The following CAMK1D variants were observed in gnomAD, a reference collection of about 807,000 sequenced individuals.
The protein encoded by CAMK1D is calcium/calmodulin-dependent protein kinase type 1D.
CAMK1D carries 9 observed loss-of-function variants against 47.7 expected under a neutral mutation model. That is an observed-to-expected ratio of 0.19 (90% CI 0.11 to 0.33). The LOEUF (loss-of-function observed/expected upper bound fraction) is 0.33. Among genes scored for constraint, CAMK1D ranks in the 10% least tolerant of loss-of-function variants. The probability of loss-of-function intolerance (pLI) is 1.00; values close to 1 mark genes in which losing one functional copy is unlikely to be tolerated. For missense variants in CAMK1D, 291 were observed against 488.7 expected (o/e 0.60, Z 3.81); for synonymous variants, 184 against 184.9 (o/e 0.99, Z 0.04).
At chr10:12,611,683 C>T (rs12768917) in intron 2 of CAMK1D, among the ~76,000 whole-genome samples, 90 of 148,986 alleles carry the variant, frequency 6.0e-4, no homozygotes, top group African/African-American at 2.1e-3. Context: ...CCTCCCCCTC[C>T]CGGGTTCAAG....
intron 1 of CAMK1D, among the ~76,000 whole-genome samples, chr10:12,376,373 A>C (rs1453810832): frequency 3.3e-5 from 5 of 151,928 alleles, no homozygotes; most frequent in African/African-American, 4.8e-5. Flanking sequence ...CGGGGATTTG[A>C]ACCTAGATCT....
intron 1 of CAMK1D, among the ~76,000 whole-genome samples, chr10:12,491,877 C>T (rs2132121310): frequency 6.6e-6 from 1 of 152,312 alleles, no homozygotes; most frequent in East Asian, 1.9e-4. Flanking sequence ...GCCTCCATCT[C>T]CCGGGTTCAA....
chr10:12,779,683 A>C (rs3781072), intron 5 of CAMK1D, among the ~76,000 whole-genome samples: 34,419 of 152,084 alleles, frequency 0.23, 4,076 homozygotes, highest in East Asian at 0.46. Flanking sequence ...CTACTGCTTC[A>C]TCCTCCCAAA....
chr10:12,434,145 C>A (rs1366039186), intron 1 of CAMK1D, among the ~76,000 whole-genome samples: 1 of 152,146 alleles, frequency 6.6e-6, no homozygotes, highest in Non-Finnish European at 1.5e-5. Flanking sequence ...TAAGAGCTCT[C>A]TTCCTTTTCT....
chr10:12,613,871 C>A (rs752281934), intron 2 of CAMK1D, among the ~76,000 whole-genome samples: 3 of 152,116 alleles, frequency 2.0e-5, no homozygotes, highest in African/African-American at 7.2e-5. Context: ...GCAATAATAT[C>A]CCGATTGTAC....
chr10:12,649,751 C>T (rs1839909500), intron 2 of CAMK1D, among the ~76,000 whole-genome samples: 1 of 152,196 alleles, frequency 6.6e-6, no homozygotes, highest in Non-Finnish European at 1.5e-5. Context: ...CTCTGAAGAG[C>T]TCCTAACTCC....
chr10:12,792,958 G>A (rs979931022), intron 6 of CAMK1D, among the ~76,000 whole-genome samples: 35 of 147,294 alleles, frequency 2.4e-4, no homozygotes, highest in Non-Finnish European at 4.0e-4. Context: ...ACATGTGTGC[G>A]CGCACACACA....
At chr10:12,378,861 G>T (rs1838261755) in intron 1 of CAMK1D, among the ~76,000 whole-genome samples, 1 of 145,124 alleles carries the variant, frequency 6.9e-6, no homozygotes, top group Non-Finnish European at 1.5e-5. Flanking sequence ...CCTGGCTGGA[G>T]TGCCGTGGTG....
intron 8 of CAMK1D, among the ~76,000 whole-genome samples, chr10:12,824,195 C>T (rs115898500): frequency 0.011 from 1,623 of 151,998 alleles, 20 homozygotes; most frequent in African/African-American, 0.037. Flanking sequence ...AAATGAGAGC[C>T]GGGGAGTAGT....
At chr10:12,787,861 C>T (rs1455075501) in intron 5 of CAMK1D, among the ~76,000 whole-genome samples, 1 of 151,918 alleles carries the variant, frequency 6.6e-6, no homozygotes, top group East Asian at 1.9e-4. Flanking sequence ...TTAGCCGGGC[C>T]TGGTGGTGCA....
chr10:12,789,895 G>A (rs1564563825), intron 5 of CAMK1D, among the ~76,000 whole-genome samples: 1 of 152,254 alleles, frequency 6.6e-6, no homozygotes, highest in Non-Finnish European at 1.5e-5. Context: ...ATGTTTGGGG[G>A]CAAAGGAGAT....
intron 3 of CAMK1D, among the ~76,000 whole-genome samples, chr10:12,697,793 C>T (rs1328144115): frequency 6.6e-6 from 1 of 152,128 alleles, no homozygotes; most frequent in South Asian, 2.1e-4. Context: ...GAACCTCTGC[C>T]GTCAGTCTGG....
intron 3 of CAMK1D, among the ~76,000 whole-genome samples, chr10:12,721,185 G>C (rs563200130): frequency 6.6e-6 from 1 of 152,244 alleles, no homozygotes; most frequent in Non-Finnish European, 1.5e-5. Context: ...TAGCGTGGCC[G>C]TTAGTCTTAT....
intron 10 of CAMK1D, among the ~76,000 whole-genome samples, chr10:12,827,450 T>C (rs1833274586): frequency 8.3e-5 from 10 of 120,416 alleles, no homozygotes; most frequent in Non-Finnish European, 1.4e-4. Context: ...TTTCTTTCTT[T>C]CTTTTCTTTC....
At chr10:12,550,348 C>T (rs925339552) in intron 1 of CAMK1D, among the ~76,000 whole-genome samples, 1 of 152,214 alleles carries the variant, frequency 6.6e-6, no homozygotes, top group African/African-American at 2.4e-5. Flanking sequence ...TTTTCTCCTA[C>T]TCTAACATAG....
At chr10:12,668,130 G>A (rs1212406045) in intron 3 of CAMK1D, among the ~76,000 whole-genome samples, 1 of 152,032 alleles carries the variant, frequency 6.6e-6, no homozygotes, top group African/African-American at 2.4e-5. Flanking sequence ...CGTATTTCTG[G>A]TTTTTCCTAG....
intron 3 of CAMK1D, among the ~76,000 whole-genome samples, chr10:12,711,279 G>T (rs751571272): frequency 6.6e-5 from 10 of 152,258 alleles, no homozygotes; most frequent in African/African-American, 1.4e-4. Flanking sequence ...TGGAACGGGG[G>T]CGCCACCTGC....
At chr10:12,701,035 A>G (rs761256929) in intron 3 of CAMK1D, among the ~76,000 whole-genome samples, 4 of 151,856 alleles carry the variant, frequency 2.6e-5, no homozygotes, top group Non-Finnish European at 4.4e-5. Flanking sequence ...CCAAGCTGTT[A>G]TTGGCTATGA....
intron 1 of CAMK1D, among the ~76,000 whole-genome samples, chr10:12,486,528 C>T (rs201207573): frequency 7.2e-5 from 6 of 83,058 alleles, no homozygotes; most frequent in Admixed American, 5.9e-4. Context: ...CATGTGTGCG[C>T]GTGCACACAC....
Sources: allele counts gnomAD v4.1 joint callset (sites outside exome capture counted in the v4.1 genomes callset), GRCh38; gene constraint gnomAD v4.1.1; transcripts MANE v1.5; gene names NCBI Gene and HGNC (gene_info 2026-07-23, HGNC 2026-07-21).